PRKN: variants seen among roughly 807,000 people sequenced by gnomAD.
PRKN encodes parkin RBR E3 ubiquitin protein ligase.
In PRKN, 56 loss-of-function variants were observed where a neutral mutation model predicts 59.5. That is an observed-to-expected ratio of 0.94 (90% CI 0.76 to 1.18). PRKN has a LOEUF of 1.18. PRKN is among the 50% of genes most tolerant of loss of function. The pLI is 0.00. For synonymous variants in PRKN, 250 were observed against 222.1 expected (o/e 1.13, Z -1.12); for missense variants, 657 against 596.4 (o/e 1.10, Z -1.06).
At chr6:162,061,648 C>T (rs192885875) in intron 4 of PRKN, among the ~76,000 whole-genome samples, 3 of 152,222 alleles carry the variant, frequency 2.0e-5, no homozygotes, top group East Asian at 1.9e-4. Context: ...GTCACAAAGC[C>T]AAGCACAGTG....
intron 5 of PRKN, among the ~76,000 whole-genome samples, chr6:161,990,685 T>A (rs889862444): frequency 1.2e-4 from 18 of 152,052 alleles, no homozygotes; most frequent in African/African-American, 4.3e-4. Flanking sequence ...TGAAAAGAGA[T>A]CATTTGAAAT....
At chr6:161,733,121 T>C (rs1229039871) in intron 7 of PRKN, among the ~76,000 whole-genome samples, 1 of 152,220 alleles carries the variant, frequency 6.6e-6, no homozygotes, top group Non-Finnish European at 1.5e-5. Flanking sequence ...GGTATTATTA[T>C]CAGAAAGATA....
At chr6:161,707,588 C>T (rs1444161716) in intron 7 of PRKN, among the ~76,000 whole-genome samples, 2 of 152,088 alleles carry the variant, frequency 1.3e-5, no homozygotes, top group African/African-American at 2.4e-5. Context: ...CTTTGAACAG[C>T]AGTAATTTAA....
At chr6:162,646,640 C>T (rs180703309) in intron 1 of PRKN, among the ~76,000 whole-genome samples, 11 of 152,200 alleles carry the variant, frequency 7.2e-5, no homozygotes, top group African/African-American at 2.4e-4. Flanking sequence ...ATTGCAGATA[C>T]ATTCTGAGAA....
intron 7 of PRKN, among the ~76,000 whole-genome samples, chr6:161,704,012 C>T (rs1313162530): frequency 1.3e-5 from 2 of 151,998 alleles, no homozygotes; most frequent in East Asian, 1.9e-4. Flanking sequence ...TGCACCACCA[C>T]ACCTGGCTAA....
In PRKN at chr6:162,070,759, T is replaced by C. The variant is rs149474793; in HGVS notation, c.535-16585A>G. Among the ~76,000 whole-genome samples the C allele has an allele frequency of 4.1e-4, 63 of 152,228 alleles. No individual in the cohort carries two copies. In the East Asian group the frequency reaches 0.012, roughly 30 times the overall value. On this transcript the variant is annotated intron_variant, in intron 4 of 11. Transcript: ENST00000366898. ...CCACATGCACAGTTCACAATAGAGT[T>C]CTTGCTCCTAGGAGAATCTCATGCT...
intron 7 of PRKN, among the ~76,000 whole-genome samples, chr6:161,741,452 G>A (rs149041353): frequency 2.0e-5 from 3 of 152,260 alleles, no homozygotes; most frequent in East Asian, 1.9e-4. Context: ...CGGGGAATCC[G>A]AGGATCAAAG....
At chr6:162,493,344 A>G (rs989716546) in intron 1 of PRKN, among the ~76,000 whole-genome samples, 2 of 152,166 alleles carry the variant, frequency 1.3e-5, no homozygotes, top group African/African-American at 4.8e-5. Context: ...TTGTAGAGGC[A>G]AAGAGGGATA....
intron 1 of PRKN, among the ~76,000 whole-genome samples, chr6:162,647,327 G>A (rs1778224439): frequency 6.6e-6 from 1 of 151,920 alleles, no homozygotes. Flanking sequence ...AAATCAATGA[G>A]AACAAACAAT....
In PRKN at chr6:162,180,513, T is replaced by C. The variant is rs142063283; in HGVS notation, c.534+20618A>G. 5.3e-5 allele frequency among the ~76,000 whole-genome samples: 8 copies of C among 152,284 alleles called. No homozygotes were observed. The East Asian group carries it at 1.5e-3, about 29-fold the overall frequency. On this transcript the variant is annotated intron_variant, in intron 4 of 11. Coordinates refer to ENST00000366898, the MANE Select transcript of PRKN (RefSeq NM_004562.3). The stretch of plus-strand genomic sequence containing the variant: ...TATGTGTTTACAGTCTCTTCAAACA[T>C]ATACCAAGAACCTTATTTAAATCTC...
At chr6:161,723,292 T>C (rs1245497681) in intron 7 of PRKN, among the ~76,000 whole-genome samples, 2 of 151,978 alleles carry the variant, frequency 1.3e-5, no homozygotes, top group African/African-American at 4.8e-5. Flanking sequence ...AGTGCATGTC[T>C]ACATGATTAA....
At position 161,594,934 on chromosome 6, in the gene PRKN, G is replaced by A. The variant is rs1005159238; in HGVS notation, c.872-25518C>T. On this transcript the variant is annotated intron_variant, in intron 7 of 11. Coordinates refer to ENST00000366898, the MANE Select transcript of PRKN (RefSeq NM_004562.3). Reference sequence around the variant, plus strand: ...TAGGCAGAAGCAGGGATACCTAAACGAACATGGATCAATACAAGTTCTTCA... The same window carrying A: ...TAGGCAGAAGCAGGGATACCTAAACAAACATGGATCAATACAAGTTCTTCA... Among the ~76,000 whole-genome samples, 3 of 152,282 alleles carry A rather than the reference G, an allele frequency of 2.0e-5. No individual in the cohort carries two copies. The East Asian group carries it at 5.8e-4, about 29-fold the overall frequency.
chr6:162,592,033 C>T (rs537251367), intron 1 of PRKN, among the ~76,000 whole-genome samples: 3 of 152,054 alleles, frequency 2.0e-5, no homozygotes, highest in Non-Finnish European at 2.9e-5. Context: ...GTTGTCTCAC[C>T]CTGTCTCTCA....
intron 7 of PRKN, among the ~76,000 whole-genome samples, chr6:161,577,386 A>C (rs1156732120): frequency 6.6e-6 from 1 of 152,210 alleles, no homozygotes; most frequent in Non-Finnish European, 1.5e-5. Context: ...TCTAGATGAA[A>C]CCTTTAAAGT....
intron 3 of PRKN, among the ~76,000 whole-genome samples, chr6:162,260,694 G>A (rs1310701098): frequency 6.6e-6 from 1 of 152,112 alleles, no homozygotes; most frequent in African/African-American, 2.4e-5. Context: ...AGATGCACTA[G>A]GAAATGTATT....
In PRKN at chr6:161,483,031, C is replaced by T. The variant is rs540972407; in HGVS notation, c.1083+65823G>A. The stretch of plus-strand genomic sequence containing the variant: ...CAGTACAGAATTCTTCCTTCTCCCT[C>T]GGCTTCTTTTTAAGTTTGAGAGTGA... On this transcript the variant is annotated intron_variant, in intron 9 of 11. Coordinates refer to ENST00000366898, the MANE Select transcript of PRKN (RefSeq NM_004562.3). This position sits in a 1 kb window ranked among gnomAD's most constrained non-coding sequence, Gnocchi z 5.0. 1.3e-5 allele frequency among the ~76,000 whole-genome samples: 2 copies of T among 152,136 alleles called. No homozygotes were observed. Among genetic ancestry groups the T allele is most frequent in the Admixed American group, 6.5e-5 (1 of 15,274 alleles).
intron 5 of PRKN, among the ~76,000 whole-genome samples, chr6:162,027,339 T>C (rs1783472778): frequency 6.6e-6 from 1 of 152,166 alleles, no homozygotes; most frequent in South Asian, 2.1e-4. Flanking sequence ...CAGAACACCC[T>C]AAGTTGATGT....
Position 161,458,927 on chromosome 6 carries a change from T to C in PRKN, c.1084-72050A>G, listed in dbSNP as rs2115155627. On this transcript the variant is annotated intron_variant, in intron 9 of 11. Coordinates refer to ENST00000366898, the MANE Select transcript of PRKN (RefSeq NM_004562.3). This position sits in a 1 kb window ranked among gnomAD's most constrained non-coding sequence, Gnocchi z 6.1. ...GCCATTTTCATGTTTTTTTTTTTCT[T>C]TTTAAAGTGCATATCTTTATTTGGA... 6.6e-6 allele frequency among the ~76,000 whole-genome samples: 1 copy of C among 152,312 alleles called. No homozygotes were observed. The highest frequency in any genetic ancestry group is 2.4e-5 in the African/African-American group (1 of 41,582).
chr6:161,612,052 T>C (rs1056494950), intron 7 of PRKN, among the ~76,000 whole-genome samples: 1 of 152,200 alleles, frequency 6.6e-6, no homozygotes, highest in Admixed American at 6.5e-5. Context: ...TTCAATTCTA[T>C]GAAGGCTGAG....
Sources: allele counts gnomAD v4.1 joint callset (sites outside exome capture counted in the v4.1 genomes callset), GRCh38; gene constraint gnomAD v4.1.1; non-coding constraint Gnocchi (gnomAD v3.1); transcripts MANE v1.5; gene names NCBI Gene and HGNC (gene_info 2026-07-23, HGNC 2026-07-21).